KMT2C: variants seen among roughly 807,000 people sequenced by gnomAD.
The protein encoded by KMT2C is histone-lysine N-methyltransferase 2C.
In KMT2C, 88 loss-of-function variants were observed where a neutral mutation model predicts 507.9. The ratio of observed to expected loss-of-function variants is 0.17; its 90% confidence interval spans 0.15 to 0.21. The LOEUF (loss-of-function observed/expected upper bound fraction) is 0.21, where lower values mean the gene tolerates loss of function less well. Among genes scored for constraint, KMT2C ranks in the 10% least tolerant of loss-of-function variants. The pLI is 1.00. For missense variants in KMT2C, 4,954 were observed against 5,957.8 expected (o/e 0.83, Z 5.55); for synonymous variants, 2,049 against 2,080.8 (o/e 0.98, Z 0.42).
At chr7:152,315,477 A>G (rs1470289612) in intron 3 of KMT2C, 139 bp from the exon 4 acceptor site, 5 of 609,794 alleles carry the variant, frequency 8.2e-6, no homozygotes. Flanking sequence ...TCTACAGTCT[A>G]TTCAGTGATT....
intron 3 of KMT2C, among the ~76,000 whole-genome samples, chr7:152,320,351 C>T (rs1326609283): frequency 6.6e-6 from 1 of 152,162 alleles, no homozygotes; most frequent in Non-Finnish European, 1.5e-5. Flanking sequence ...TGGGTTCAAG[C>T]AATTCTCCTG....
chr7:152,232,168 C>T (rs1449102942), intron 16 of KMT2C, among the ~76,000 whole-genome samples: 1 of 152,144 alleles, frequency 6.6e-6, no homozygotes, highest in Non-Finnish European at 1.5e-5. Context: ...CATGAGCCAC[C>T]GCACCCAGCC....
chr7:152,174,389 G>A (rs1015664149), intron 38 of KMT2C, 147 bp from the exon 39 acceptor site: 13 of 549,240 alleles, frequency 2.4e-5, no homozygotes, highest in Middle Eastern at 4.7e-4. Context: ...GGGTTTAATC[G>A]CATCTCAGTA....
chr7:152,260,620 TGAA>T (rs1020352477), intron 9 of KMT2C, among the ~76,000 whole-genome samples: 4 of 152,162 alleles, frequency 2.6e-5, no homozygotes, highest in African/African-American at 9.6e-5. Flanking sequence ...CTGAAAAAAC[TGAA>T]GAAAATGTTT....
intron 6 of KMT2C, among the ~76,000 whole-genome samples, chr7:152,295,824 T>C (rs952087088): frequency 6.6e-6 from 1 of 152,056 alleles, no homozygotes; most frequent in Non-Finnish European, 1.5e-5. Flanking sequence ...CCCAGCACTT[T>C]GGGAGGCCGA....
At chr7:152,172,828 C>T (rs2093027374) in intron 39 of KMT2C, among the ~76,000 whole-genome samples, 1 of 152,172 alleles carries the variant, frequency 6.6e-6, no homozygotes, top group African/African-American at 2.4e-5. Context: ...TCGAGTGTTG[C>T]AGGCACCTAA....
chr7:152,266,274 T>G (rs2095856984), intron 7 of KMT2C, among the ~76,000 whole-genome samples: 1 of 152,058 alleles, frequency 6.6e-6, no homozygotes, highest in African/African-American at 2.4e-5. Flanking sequence ...AGACAGAGTT[T>G]CACTCTGTCA....
chr7:152,345,247 T>C (rs2097046648), intron 2 of KMT2C, among the ~76,000 whole-genome samples: 1 of 151,410 alleles, frequency 6.6e-6, no homozygotes, highest in Non-Finnish European at 1.5e-5. Flanking sequence ...CCAAAAAAAC[T>C]ATTTTTTTTT....
At chr7:152,280,216 C>A (rs2096179435) in intron 6 of KMT2C, among the ~76,000 whole-genome samples, 1 of 152,090 alleles carries the variant, frequency 6.6e-6, no homozygotes, top group African/African-American at 2.4e-5. Context: ...CCTCTAGGAA[C>A]TGAGAGTGAC....
At chr7:152,347,122 A>C (rs2097067718) in intron 2 of KMT2C, among the ~76,000 whole-genome samples, 1 of 152,160 alleles carries the variant, frequency 6.6e-6, no homozygotes, top group South Asian at 2.1e-4. Context: ...AAGGAAAAGG[A>C]AAGAAAAGAA....
At chr7:152,297,178 G>T (rs925218192) in intron 6 of KMT2C, among the ~76,000 whole-genome samples, 5 of 151,976 alleles carry the variant, frequency 3.3e-5, no homozygotes, top group African/African-American at 1.2e-4. Flanking sequence ...TTTGAGAAAT[G>T]AGAAACAAAA....
intron 1 of KMT2C, among the ~76,000 whole-genome samples, chr7:152,409,722 C>T (rs943467900): frequency 4.1e-4 from 62 of 151,810 alleles, no homozygotes; most frequent in Non-Finnish European, 1.0e-4. Context: ...CAGAGCAAGA[C>T]TCCGTCTCAA....
Position 152,144,590 on chromosome 7 carries a change from T to A in KMT2C, c.14343+123A>T. 1 of 975,674 alleles carries A rather than the reference T, an allele frequency of 1.0e-6. No individual in the cohort carries two copies. The highest frequency in any genetic ancestry group is 2.4e-5 in the East Asian group (1 of 41,378). The allele number at this position is 975,674 out of a possible 1,614,324, so 60.4% of individuals were successfully genotyped here. On this transcript the variant is annotated intron_variant, in intron 55 of 58. Transcript: ENST00000262189. This position sits in a 1 kb window ranked among gnomAD's most constrained non-coding sequence, Gnocchi z 4.4. Reference sequence around the variant, plus strand: ...CCAAGGGACAGGATTTGATACGATTTTGAAAACACGTTTCTGTCCCTGCAG... The same window carrying A: ...CCAAGGGACAGGATTTGATACGATTATGAAAACACGTTTCTGTCCCTGCAG...
rs769823669 is a variant in KMT2C, at chr7:152,148,777, T to C, written c.13150A>G (p.Lys4384Glu). Residue 4384 changes from lysine to glutamate, a missense_variant, in exon 52 of 59, where the codon AAG (lysine) becomes GAG (glutamate). By Grantham distance (56) the Lys-to-Glu change is moderately conservative. Coordinates refer to ENST00000262189, the MANE Select transcript of KMT2C (RefSeq NM_170606.3). The surrounding 1 kb of genome is among the most constrained non-coding windows in gnomAD (Gnocchi z 7.1). Reference protein sequence around the residue: ...PCEDEIDEFLKKLGTSLKPDP... With the variant: ...PCEDEIDEFLEKLGTSLKPDP... ...GGTTTAAGGGAAGTGCCCAATTTCTTTAGAAATTCATCTATTTCATCCTCA... is the reference window on the plus strand; with the variant it reads ...GGTTTAAGGGAAGTGCCCAATTTCTCTAGAAATTCATCTATTTCATCCTCA... 4 of 1,614,236 alleles carry C rather than the reference T, an allele frequency of 2.5e-6. No individual in the cohort carries two copies. The South Asian group carries it at 4.4e-5, about 18-fold the overall frequency.
intron 6 of KMT2C, among the ~76,000 whole-genome samples, chr7:152,303,085 A>G (rs2096585365): frequency 6.6e-6 from 1 of 152,162 alleles, no homozygotes; most frequent in Non-Finnish European, 1.5e-5. Flanking sequence ...ATTAAAAGAA[A>G]AACGACGTTA....
chr7:152,297,057 G>GACAGAAAGAAAGAAAGAA (rs756980169), intron 6 of KMT2C, among the ~76,000 whole-genome samples: 2 of 90,750 alleles, frequency 2.2e-5, no homozygotes, highest in Admixed American at 1.2e-4. Context: ...AAGAAAGACA[G>GACAGAAAGAAAGAAAGAA]AGAGAGAGAG....
chr7:152,261,020 T>A (rs76005872), intron 9 of KMT2C, among the ~76,000 whole-genome samples: 217 of 1,392 alleles, frequency 0.16, no homozygotes, highest in African/African-American at 0.25. Context: ...AAAGGAATTA[T>A]AAGAACAATT....
intron 18 of KMT2C, among the ~76,000 whole-genome samples, chr7:152,229,534 G>A (rs2095043137): frequency 2.0e-5 from 3 of 152,126 alleles, no homozygotes; most frequent in Admixed American, 1.3e-4. Context: ...GTATACGAGT[G>A]AGCATAGAGG....
chr7:152,252,448 A>G, intron 10 of KMT2C, 98 bp downstream of exon 10: 1 of 924,074 alleles, frequency 1.1e-6, no homozygotes, highest in South Asian at 1.6e-5. Context: ...TGGAATTGCT[A>G]GAGTGATAAA....
Sources: allele counts gnomAD v4.1 joint callset (sites outside exome capture counted in the v4.1 genomes callset), GRCh38; gene constraint gnomAD v4.1.1; non-coding constraint Gnocchi (gnomAD v3.1); transcripts MANE v1.5; gene names NCBI Gene and HGNC (gene_info 2026-07-23, HGNC 2026-07-21).